Variants in CNTN4 observed in about 807,000 individuals in gnomAD.
The protein encoded by CNTN4 is contactin-4.
In CNTN4, 77 loss-of-function variants were observed where a neutral mutation model predicts 122.5. That is an observed-to-expected ratio of 0.63 (90% confidence interval 0.52 to 0.76). The LOEUF (loss-of-function observed/expected upper bound fraction) is 0.76, where lower values mean the gene tolerates loss of function less well. CNTN4 is among the 30% of genes least tolerant of loss of function. CNTN4 has a pLI of 0.00. For synonymous variants in CNTN4, 512 were observed against 447.0 expected, an observed-to-expected ratio of 1.15 and a Z score of -1.83; for missense variants, 1,256 against 1,259.1, an observed-to-expected ratio of 1.00 and a Z score of 0.04.
At chr3:2,803,869 T>C (rs949682970) in intron 6 of CNTN4, among the ~76,000 whole-genome samples, 4 of 152,010 alleles carry the variant, frequency 2.6e-5, no homozygotes, top group African/African-American at 9.7e-5. Flanking sequence ...CAGTAATTCT[T>C]ATGAAGAACC....
At chr3:2,662,864 G>A (rs987008217) in intron 4 of CNTN4, among the ~76,000 whole-genome samples, 4 of 152,052 alleles carry the variant, frequency 2.6e-5, no homozygotes, top group Admixed American at 2.6e-4. Context: ...AGGCTGAGGT[G>A]GGTGGATCAC....
chr3:3,014,465 C>G (rs1349846943), intron 14 of CNTN4, among the ~76,000 whole-genome samples: 1 of 152,078 alleles, frequency 6.6e-6, no homozygotes, highest in Non-Finnish European at 1.5e-5. Context: ...TAGAGCTTGC[C>G]CAACAAAGGG....
At chr3:2,791,279 C>G (rs1042169055) in intron 6 of CNTN4, among the ~76,000 whole-genome samples, 1 of 152,138 alleles carries the variant, frequency 6.6e-6, no homozygotes, top group African/African-American at 2.4e-5. Flanking sequence ...CACCTGTAAT[C>G]CCAGGACAGT....
intron 7 of CNTN4, among the ~76,000 whole-genome samples, chr3:2,835,893 G>C (rs1161552996): frequency 6.6e-6 from 1 of 152,018 alleles, no homozygotes; most frequent in South Asian, 2.1e-4. Flanking sequence ...TGGAAAGAAA[G>C]AAGATAAAAC....
intron 2 of CNTN4, among the ~76,000 whole-genome samples, chr3:2,212,303 T>A (rs1559346411): frequency 6.6e-6 from 1 of 152,124 alleles, no homozygotes; most frequent in African/African-American, 2.4e-5. Context: ...TCTTCTTGAA[T>A]GGACTTAAAA....
At chr3:2,968,492 T>G (rs981403632) in intron 13 of CNTN4, among the ~76,000 whole-genome samples, 5 of 152,218 alleles carry the variant, frequency 3.3e-5, no homozygotes, top group Admixed American at 1.3e-4. Context: ...TCTTGTTAAG[T>G]AACTTTTTGT....
At chr3:2,969,401 A>G (rs1001282046) in intron 13 of CNTN4, among the ~76,000 whole-genome samples, 1 of 152,162 alleles carries the variant, frequency 6.6e-6, no homozygotes, top group African/African-American at 2.4e-5. Flanking sequence ...GTGATGCTCT[A>G]TCTTTGGCCA....
At chr3:2,194,981 G>A (rs4685493) in intron 2 of CNTN4, among the ~76,000 whole-genome samples, 109,542 of 152,018 alleles carry the variant, frequency 0.72, 40,009 homozygotes, top group South Asian at 0.83. Flanking sequence ...TATTTAGATT[G>A]TAGTCACCTT....
chr3:2,821,567 G>C (rs1024601519), intron 7 of CNTN4, among the ~76,000 whole-genome samples: 3 of 152,152 alleles, frequency 2.0e-5, no homozygotes, highest in Non-Finnish European at 4.4e-5. Flanking sequence ...AATATTTTAC[G>C]CAGATGTGTT....
chr3:2,670,634 T>G (rs2084451638), intron 4 of CNTN4, among the ~76,000 whole-genome samples: 1 of 152,206 alleles, frequency 6.6e-6, no homozygotes, highest in African/African-American at 2.4e-5. Context: ...GATCCTGTCA[T>G]TATGATGTTA....
rs187558801 is a variant in CNTN4 at position 2,873,486 on chromosome 3, A to G, written c.652+6537A>G. On this transcript the variant is annotated intron_variant, in intron 8 of 24. Transcript: ENST00000418658. ...ATACCTCCTAGTGGCTCAGAAGACTACATTCCCCACAAACTTCTAAATTTA... is the reference window on the plus strand; with the variant it reads ...ATACCTCCTAGTGGCTCAGAAGACTGCATTCCCCACAAACTTCTAAATTTA... 1.1e-3 allele frequency among the ~76,000 whole-genome samples: 161 copies of G among 152,340 alleles called. 2 individuals carry two copies. The South Asian group carries it at 0.019, about 18-fold the overall frequency.
chr3:2,727,654 A>G (rs1222761384), intron 4 of CNTN4, among the ~76,000 whole-genome samples: 3 of 152,118 alleles, frequency 2.0e-5, no homozygotes, highest in Admixed American at 1.3e-4. Flanking sequence ...TCCCCGTCCT[A>G]CCACTGTTTC....
At chr3:2,340,710 T>TATATATATATATATATAGAGAGAGAGAG in intron 3 of CNTN4, among the ~76,000 whole-genome samples, 21 of 18,294 alleles carry the variant, frequency 1.1e-3, no homozygotes, top group Middle Eastern at 0.1. Context: ...TATATATATA[T>TATATATATATATATATAGAGAGAGAGAG]AGAGAGAGAG....
chr3:2,186,705 G>A (rs1211397405), intron 2 of CNTN4, among the ~76,000 whole-genome samples: 1 of 152,148 alleles, frequency 6.6e-6, no homozygotes, highest in African/African-American at 2.4e-5. Context: ...TTTTTCATGT[G>A]TCTGTTGGCT....
intron 2 of CNTN4, among the ~76,000 whole-genome samples, chr3:2,189,487 G>A (rs1480847765): frequency 1.3e-5 from 2 of 152,154 alleles, no homozygotes; most frequent in East Asian, 3.9e-4. Flanking sequence ...AATAGAGAGG[G>A]TCAGTGTTGT....
intron 4 of CNTN4, among the ~76,000 whole-genome samples, chr3:2,662,799 A>T (rs1459193173): frequency 6.6e-6 from 1 of 152,202 alleles, no homozygotes; most frequent in African/African-American, 2.4e-5. Context: ...GGAAGAGTGT[A>T]GGAGACAGGA....
At chr3:2,574,568 A>G (rs2079574385) in intron 4 of CNTN4, among the ~76,000 whole-genome samples, 1 of 152,220 alleles carries the variant, frequency 6.6e-6, no homozygotes, top group Non-Finnish European at 1.5e-5. Flanking sequence ...ATTTTCAAAT[A>G]AACCAAAACT....
In CNTN4 at chr3:3,008,058, A is replaced by G. The variant is rs1696826375; in HGVS notation, c.1487-18044A>G. 2.6e-5 allele frequency among the ~76,000 whole-genome samples: 4 copies of G among 152,230 alleles called. 1 individual carries two copies. The highest frequency in any genetic ancestry group is 2.6e-4 in the Admixed American group (4 of 15,282). Reference sequence around the variant, plus strand: ...TTCCCTGAGAAAAATCTTTTGAGATATAAACTAATCATTGCTTACTATTCA... The same window carrying G: ...TTCCCTGAGAAAAATCTTTTGAGATGTAAACTAATCATTGCTTACTATTCA... On this transcript the variant is annotated intron_variant, in intron 14 of 24. Transcript: ENST00000418658.
chr3:2,721,452 C>T (rs2087846918), intron 4 of CNTN4, among the ~76,000 whole-genome samples: 1 of 152,156 alleles, frequency 6.6e-6, no homozygotes, highest in African/African-American at 2.4e-5. Flanking sequence ...TTGGGGAACT[C>T]TGCCATGAAC....
Sources: gnomAD v4.1 joint callset for allele counts (sites outside exome capture counted in the v4.1 genomes callset) on GRCh38, gnomAD v4.1.1 for gene constraint, MANE v1.5 for transcripts, NCBI Gene and HGNC (gene_info 2026-07-23, HGNC 2026-07-21) for gene names.